Variants in MAD2L2 observed in about 807,000 individuals in gnomAD.
The protein encoded by MAD2L2 is mitotic spindle assembly checkpoint protein MAD2B.
Under a neutral mutation model 30.5 loss-of-function variants are expected in MAD2L2, and 17 were observed. That is an observed-to-expected ratio of 0.56 (90% CI 0.38 to 0.84). The LOEUF is 0.84. Among genes scored for constraint, MAD2L2 ranks in the 40% least tolerant of loss-of-function variants. The probability of loss-of-function intolerance (pLI) is 0.00; values close to 1 mark genes in which losing one functional copy is unlikely to be tolerated. For missense variants in MAD2L2, 213 were observed against 277.4 expected, an observed-to-expected ratio of 0.77 and a Z score of 1.65; for synonymous variants, 101 against 113.9, an observed-to-expected ratio of 0.89 and a Z score of 0.72.
Position 11,674,845 on chromosome 1 carries a change from C to A in MAD2L2, c.595-29G>T. On this transcript the variant is annotated intron_variant, in intron 8 of 8. Coordinates refer to ENST00000376692, the MANE Select transcript of MAD2L2 (RefSeq NM_006341.4). This position sits in a 1 kb window ranked among gnomAD's most constrained non-coding sequence, Gnocchi z 6.1. ...ACGGACACAAGCAAACAGCCACAGTCAGCAAGACAGCCAGGGCATCCCTGC... is the reference window on the plus strand; with the variant it reads ...ACGGACACAAGCAAACAGCCACAGTAAGCAAGACAGCCAGGGCATCCCTGC... 1 of 1,612,914 alleles carries A rather than the reference C, an allele frequency of 6.2e-7. No homozygotes were observed. Among genetic ancestry groups the A allele is most frequent in the South Asian group, 1.1e-5 (1 of 91,038 alleles).
rs568513319 is a variant in MAD2L2 at position 11,677,633 on chromosome 1, G to A, written c.160-19C>T. The A allele has an allele frequency of 7.2e-5, 116 of 1,604,860 alleles. No individual in the cohort carries two copies. The highest frequency in any genetic ancestry group is 5.7e-4 in the African/African-American group (43 of 74,842). On this transcript the variant is annotated intron_variant, in intron 3 of 8. Coordinates refer to ENST00000376692, the MANE Select transcript of MAD2L2 (RefSeq NM_006341.4). ...AGGACATCTGCACACAATACCATGCGGCTCGTGAGGCCCAAAGCACAGATG... is the reference window on the plus strand; with the variant it reads ...AGGACATCTGCACACAATACCATGCAGCTCGTGAGGCCCAAAGCACAGATG...
In MAD2L2 at chr1:11,675,725, G is replaced by A; in HGVS notation, c.434C>T (p.Thr145Ile). ...AVLDHNPPGC[T>I]FTVLVHTREA... ...TCTCGTGTGCACCAGGACTGTGAAG[G>A]TACAGCCTGGAGAGGCAAGAGGTTG... Residue 145 changes from threonine (T) to isoleucine (I), a missense_variant, in exon 7 of 9, where the codon ACC becomes ATC. By Grantham distance (89) the Thr-to-Ile change is moderately conservative (BLOSUM62 -1). Coordinates refer to ENST00000376692, the MANE Select transcript of MAD2L2 (RefSeq NM_006341.4). 1 of 1,613,834 alleles carries A rather than the reference G, an allele frequency of 6.2e-7. No homozygotes were observed. The highest frequency in any genetic ancestry group is 8.5e-7 in the Non-Finnish European group (1 of 1,179,842).
intron 3 of MAD2L2, 51 bp downstream of exon 3, chr1:11,680,302 T>G (rs746717396): frequency 1.5e-5 from 22 of 1,496,498 alleles, no homozygotes; most frequent in Admixed American, 1.9e-5. Flanking sequence ...GACCAAAGAA[T>G]TTTTAAAAGT....
chr1:11,686,604 T>C (rs965895193), intron 1 of MAD2L2, among the ~76,000 whole-genome samples: 1 of 152,176 alleles, frequency 6.6e-6, no homozygotes, highest in Admixed American at 6.5e-5. Context: ...GGTTTCGCCA[T>C]GTTGGCCAGG....
upstream of MAD2L2, among the ~76,000 whole-genome samples, chr1:11,685,894 G>C (rs1193028635): frequency 6.6e-6 from 1 of 152,080 alleles, no homozygotes; most frequent in East Asian, 1.9e-4. Context: ...CAACGCTGCA[G>C]TGAGCCATGT....
intron 5 of MAD2L2, among the ~76,000 whole-genome samples, chr1:11,676,531 A>C (rs193048089): frequency 6.6e-6 from 1 of 152,188 alleles, no homozygotes; most frequent in Non-Finnish European, 1.5e-5. Flanking sequence ...TGACCTCACC[A>C]TTGGAAGCAT....
upstream of MAD2L2, among the ~76,000 whole-genome samples, chr1:11,682,180 C>G (rs2100714872): frequency 6.6e-6 from 1 of 152,316 alleles, no homozygotes; most frequent in South Asian, 2.1e-4. Flanking sequence ...GCCAAAATCA[C>G]ACAGTGGGAA....
chr1:11,688,887 G>T lies in MAD2L2; in HGVS notation c.-692+2526C>A, dbSNP rs149469552. On this transcript the variant is annotated intron_variant, in intron 1 of 10. Transcript: ENST00000235310. The surrounding 1 kb of genome is among the most constrained non-coding windows in gnomAD (Gnocchi z 4.6). Reference sequence around the variant, plus strand: ...GGAAGCCTGTCAAAACCCACCAAAAGCAAGATGGCCACGAGACCAACCTCT... The same window carrying T: ...GGAAGCCTGTCAAAACCCACCAAAATCAAGATGGCCACGAGACCAACCTCT... Among the ~76,000 whole-genome samples, 680 of 152,276 alleles carry T rather than the reference G, an allele frequency of 4.5e-3. 3 individuals are homozygous for T. The highest frequency in any genetic ancestry group is 0.021 in the South Asian group (100 of 4,826).
At chr1:11,675,195 A>AG (rs1230459888) in intron 7 of MAD2L2, 21 bp from the exon 8 acceptor site, 11 of 1,547,840 alleles carry the variant, frequency 7.1e-6, no homozygotes, top group Middle Eastern at 1.7e-4. Flanking sequence ...GACAAAGGTC[A>AG]GGGGGGTGAC....
chr1:11,690,993 C>T lies in MAD2L2; in HGVS notation c.-692+420G>A, dbSNP rs1470267590. ...GCGGTTGTCTTTCTCCCTTCCCTAC[C>T]GGGAAAGAGGGCACAGGTGCGCCGT... On this transcript the variant is annotated intron_variant, in intron 1 of 10. Transcript: ENST00000235310. This position sits in a 1 kb window ranked among gnomAD's most constrained non-coding sequence, Gnocchi z 4.2. Among the ~76,000 whole-genome samples the T allele has an allele frequency of 2.0e-5, 3 of 152,076 alleles. No homozygotes were observed. The highest frequency in any genetic ancestry group is 4.1e-4 in the South Asian group (2 of 4,824).
rs535788044 is a variant in MAD2L2, at chr1:11,677,221, G to A, written c.232-273C>T. 107 of 601,484 alleles carry A rather than the reference G, an allele frequency of 1.8e-4. No individual in the cohort carries two copies. The African/African-American group carries it at 1.9e-3, about 11-fold the overall frequency. The allele number at this position is 601,484 out of a possible 1,614,324, so 37.3% of individuals were successfully genotyped here. On this transcript the variant is annotated intron_variant, in intron 4 of 8. Coordinates refer to ENST00000376692, the MANE Select transcript of MAD2L2 (RefSeq NM_006341.4). ...CTAGATGGGGAAGAAACCCTGAGGG[G>A]CTCAGCTCAGACAGAACGTTTAGCG...
chr1:11,676,765 T>C (rs1379027862), intron 5 of MAD2L2, 83 bp downstream of exon 5: 2 of 1,095,950 alleles, frequency 1.8e-6, no homozygotes, highest in East Asian at 4.8e-5. Context: ...ACCAAGGTAT[T>C]CAAGGGCCGC....
intron 1 of MAD2L2, chr1:11,691,278 T>C (rs892780324): frequency 3.3e-5 from 5 of 152,198 alleles, no homozygotes; most frequent in South Asian, 2.1e-4. Context: ...CGCTCCATTG[T>C]TGGGGTCCAC....
rs1641036253 is a variant in MAD2L2 at position 11,690,235 on chromosome 1, T to A, written c.-692+1178A>T. Among the ~76,000 whole-genome samples, 1 of 152,198 alleles carries A rather than the reference T, an allele frequency of 6.6e-6. No homozygotes were observed. Among genetic ancestry groups the A allele is most frequent in the African/African-American group, 2.4e-5 (1 of 41,454 alleles). On this transcript the variant is annotated intron_variant, in intron 1 of 10. Transcript: ENST00000235310. This position sits in a 1 kb window ranked among gnomAD's most constrained non-coding sequence, Gnocchi z 4.2. ...GATTCTTGTCCATGTTGTTTACTAC[T>A]GTACCTCCGGTGCCGGCACATAGTA...
rs892248144 is a variant in MAD2L2, at chr1:11,687,784, G to A, written c.-692+3629C>T. Among the ~76,000 whole-genome samples the A allele has an allele frequency of 2.6e-5, 4 of 152,272 alleles. No individual in the cohort carries two copies. The highest frequency in any genetic ancestry group is 2.1e-4 in the South Asian group (1 of 4,828). On this transcript the variant is annotated intron_variant, in intron 1 of 10. Coordinates refer to the MAD2L2 transcript ENST00000235310. This position sits in a 1 kb window ranked among gnomAD's most constrained non-coding sequence, Gnocchi z 4.1. The stretch of plus-strand genomic sequence containing the variant: ...AATGTTTTCAAGATTCATCCAGGTC[G>A]AATCACATATTGATACTTCATTCCT...
intron 7 of MAD2L2, 73 bp downstream of exon 7, chr1:11,675,585 G>A (rs1405995699): frequency 4.2e-6 from 6 of 1,439,904 alleles, no homozygotes; most frequent in Non-Finnish European, 5.9e-6. Context: ...CACAGGCAGT[G>A]CCCCTGCCCG....
rs374515316 is a variant in MAD2L2, at chr1:11,676,986, C to G, written c.232-38G>C. On this transcript the variant is annotated intron_variant, in intron 4 of 8. Coordinates refer to ENST00000376692, the MANE Select transcript of MAD2L2 (RefSeq NM_006341.4). The stretch of plus-strand genomic sequence containing the variant: ...GAACCCCCACTGCAGAGCCAGGCAC[C>G]CCACCCCGACTACACCACCCTGCCT... The G allele has an allele frequency of 9.4e-6, 14 of 1,485,052 alleles. No homozygotes were observed. In the African/African-American group the frequency reaches 1.8e-4, roughly 19 times the overall value. 92.0% of individuals were successfully genotyped at this position (1,485,052 alleles called of 1,614,324 possible).
At chr1:11,689,162 C>T (rs902485065) in intron 1 of MAD2L2, among the ~76,000 whole-genome samples, 1 of 151,880 alleles carries the variant, frequency 6.6e-6, no homozygotes, top group Non-Finnish European at 1.5e-5. Flanking sequence ...CTGAGCATGG[C>T]GGTGTGTGCC....
At chr1:11,681,291 C>T (rs897693348), upstream of MAD2L2, 1 of 152,346 alleles carries the variant, frequency 6.6e-6, no homozygotes, top group East Asian at 1.9e-4. Flanking sequence ...GCCTCGGCGT[C>T]CGGGAGGGGC....
Sources: gnomAD v4.1 joint callset for allele counts (sites outside exome capture counted in the v4.1 genomes callset) on GRCh38, gnomAD v4.1.1 for gene constraint, Gnocchi (gnomAD v3.1) non-coding constraint, MANE v1.5 for transcripts, NCBI Gene and HGNC (gene_info 2026-07-23, HGNC 2026-07-21) for gene names.